The following SERGEF variants were observed in gnomAD, a reference collection of about 807,000 sequenced individuals.
SERGEF encodes the protein secretion-regulating guanine nucleotide exchange factor.
A neutral mutation model predicts 50.0 loss-of-function variants in SERGEF; 51 were observed. That is an observed-to-expected ratio of 1.02 (90% CI 0.81 to 1.29). The LOEUF (loss-of-function observed/expected upper bound fraction) is 1.29. SERGEF is among the 50% of genes most tolerant of loss of function. The pLI, the probability that SERGEF is intolerant of heterozygous loss-of-function variation, is 0.00. For synonymous variants in SERGEF, 205 were observed against 212.4 expected, an observed-to-expected ratio of 0.97 and a Z score of 0.30; for missense variants, 521 against 557.0, an observed-to-expected ratio of 0.94 and a Z score of 0.65.
chr11:17,972,367 C>A (rs188827762), intron 8 of SERGEF, among the ~76,000 whole-genome samples: 157 of 152,238 alleles, frequency 1.0e-3, no homozygotes, highest in Middle Eastern at 3.4e-3. Context: ...ATTGTCACAG[C>A]CACTCCAGTC....
chr11:17,937,551 T>A (rs748775138), intron 9 of SERGEF, among the ~76,000 whole-genome samples: 4 of 151,850 alleles, frequency 2.6e-5, no homozygotes, highest in Admixed American at 1.3e-4. Context: ...ATAATAATAA[T>A]AATAAATAAA....
intron 1 of SERGEF, among the ~76,000 whole-genome samples, chr11:18,010,798 A>G (rs1854178319): frequency 6.6e-6 from 1 of 152,204 alleles, no homozygotes; most frequent in Non-Finnish European, 1.5e-5. Context: ...AGATGTACAT[A>G]TATTTATATG....
At chr11:17,906,003 C>T (rs985539082) in intron 9 of SERGEF, among the ~76,000 whole-genome samples, 4 of 152,100 alleles carry the variant, frequency 2.6e-5, no homozygotes, top group Non-Finnish European at 4.4e-5. Flanking sequence ...TCATTTCTTC[C>T]TGTCTTGACC....
Position 17,881,084 on chromosome 11 carries a change from C to A in SERGEF, c.1012-2840G>T, listed in dbSNP as rs566556356. Reference sequence around the variant, plus strand: ...ACTGAGGCTCATACATATTAAATAACCTTCACAGCTAGACAAGTGGCAGCA... The same window carrying A: ...ACTGAGGCTCATACATATTAAATAAACTTCACAGCTAGACAAGTGGCAGCA... On this transcript the variant is annotated intron_variant, in intron 9 of 10. Coordinates refer to ENST00000265965, the MANE Select transcript of SERGEF (RefSeq NM_012139.4). 1.1e-4 allele frequency among the ~76,000 whole-genome samples: 17 copies of A among 152,304 alleles called. No homozygotes were observed. The South Asian group carries it at 1.2e-3, about 11-fold the overall frequency.
chr11:17,923,084 T>C (rs1852188090), intron 9 of SERGEF, among the ~76,000 whole-genome samples: 1 of 152,216 alleles, frequency 6.6e-6, no homozygotes, highest in African/African-American at 2.4e-5. Flanking sequence ...TATACATCAG[T>C]TTGCATTCCT....
chr11:18,002,503 C>T (rs1013570875), intron 4 of SERGEF, among the ~76,000 whole-genome samples: 1 of 152,202 alleles, frequency 6.6e-6, no homozygotes, highest in Non-Finnish European at 1.5e-5. Context: ...CCTTTGCTTA[C>T]ATGGTTCCTT....
intron 4 of SERGEF, chr11:18,002,117 A>G: frequency 2.3e-6 from 1 of 437,672 alleles, no homozygotes; most frequent in Non-Finnish European, 4.5e-6. Context: ...TAGCGTTAAT[A>G]CAATTTGAAC....
rs142973909 is a variant in SERGEF, at chr11:17,980,248, T to C, written c.844+8349A>G. Reference sequence around the variant, plus strand: ...AGATGAAGAAACTGAGGCTCAGGGATATTCAGGAGGGACTTACCCAAAGTC... The same window carrying C: ...AGATGAAGAAACTGAGGCTCAGGGACATTCAGGAGGGACTTACCCAAAGTC... On this transcript the variant is annotated intron_variant, in intron 8 of 10. Coordinates refer to ENST00000265965, the MANE Select transcript of SERGEF (RefSeq NM_012139.4). 2.1e-3 allele frequency among the ~76,000 whole-genome samples: 316 copies of C among 152,302 alleles called. 1 individual carries two copies. In the Middle Eastern group the frequency reaches 0.034, roughly 16 times the overall value.
At chr11:17,915,833 A>G (rs1162561822) in intron 9 of SERGEF, among the ~76,000 whole-genome samples, 1 of 152,182 alleles carries the variant, frequency 6.6e-6, no homozygotes, top group Admixed American at 6.5e-5. Context: ...CCAAGTTCCA[A>G]TGAGATATGG....
intron 9 of SERGEF, among the ~76,000 whole-genome samples, chr11:17,881,581 A>G (rs1851331724): frequency 6.6e-6 from 1 of 152,204 alleles, no homozygotes; most frequent in African/African-American, 2.4e-5. Flanking sequence ...TTTCTAGAAG[A>G]TGCTGTTAAC....
rs769031183 is a variant in SERGEF at position 18,000,496 on chromosome 11, C to G, written c.508+1G>C. ...TAAAAAAATAAAGATAAGATGATCACCTGTAGCAGCTACTGCATGCCTCAG... is the reference window on the plus strand; with the variant it reads ...TAAAAAAATAAAGATAAGATGATCAGCTGTAGCAGCTACTGCATGCCTCAG... On this transcript the variant is annotated splice_donor_variant, in intron 5 of 10. Transcript: ENST00000265965. LOFTEE classifies it high-confidence loss of function. 54 of 1,568,488 alleles carry G rather than the reference C, an allele frequency of 3.4e-5. No homozygotes were observed. The highest frequency in any genetic ancestry group is 3.7e-5 in the Non-Finnish European group (43 of 1,157,922).
At chr11:17,850,389 C>T (rs1166122225) in intron 10 of SERGEF, among the ~76,000 whole-genome samples, 1 of 152,216 alleles carries the variant, frequency 6.6e-6, no homozygotes, top group East Asian at 1.9e-4. Context: ...CTGCCCTTTA[C>T]TCCCAACACA....
intron 4 of SERGEF, among the ~76,000 whole-genome samples, chr11:18,002,960 A>T (rs891313009): frequency 2.0e-5 from 3 of 152,246 alleles, no homozygotes; most frequent in Admixed American, 6.5e-5. Context: ...TTCCTTAATT[A>T]TATAAAGTAT....
chr11:17,876,232 G>A (rs368951360), intron 10 of SERGEF, among the ~76,000 whole-genome samples: 1 of 152,176 alleles, frequency 6.6e-6, no homozygotes, highest in East Asian at 1.9e-4. Context: ...TCATTCAGAA[G>A]TCTGTGAGCC....
chr11:17,934,553 T>C (rs1267935520), intron 9 of SERGEF, among the ~76,000 whole-genome samples: 3 of 152,168 alleles, frequency 2.0e-5, no homozygotes, highest in Admixed American at 6.5e-5. Flanking sequence ...ACTTCAACAA[T>C]AGTCCACTTA....
intron 9 of SERGEF, among the ~76,000 whole-genome samples, chr11:17,894,615 A>C (rs1699137042): frequency 6.6e-6 from 1 of 152,190 alleles, no homozygotes; most frequent in African/African-American, 2.4e-5. Flanking sequence ...TGGCTTGCAC[A>C]GTGCTGTGTA....
intron 8 of SERGEF, among the ~76,000 whole-genome samples, chr11:17,968,174 G>C (rs1022948905): frequency 6.6e-6 from 1 of 152,220 alleles, no homozygotes; most frequent in Admixed American, 6.5e-5. Flanking sequence ...CCCAGAGGTG[G>C]TGTTCAGTGT....
chr11:17,799,146 G>A (rs1466175309), intron 10 of SERGEF, among the ~76,000 whole-genome samples: 1 of 152,158 alleles, frequency 6.6e-6, no homozygotes, highest in Non-Finnish European at 1.5e-5. Context: ...CCCCTCAGCA[G>A]ATTCTCAGTC....
intron 10 of SERGEF, among the ~76,000 whole-genome samples, chr11:17,815,481 G>A (rs1849956209): frequency 6.6e-6 from 1 of 151,848 alleles, no homozygotes; most frequent in Non-Finnish European, 1.5e-5. Flanking sequence ...CGGGCGTGGT[G>A]GCACATGCCT....
Sources: gnomAD v4.1 joint callset for allele counts (sites outside exome capture counted in the v4.1 genomes callset) on GRCh38, gnomAD v4.1.1 for gene constraint, MANE v1.5 for transcripts, NCBI Gene and HGNC (gene_info 2026-07-23, HGNC 2026-07-21) for gene names.